The following ANGEL1 variants were observed in gnomAD, a reference collection of about 807,000 sequenced individuals.
The protein encoded by ANGEL1 is angel homolog 1, also known as RNA 2',3'-cyclic phosphatase ANGEL1.
ANGEL1 carries 62 observed loss-of-function variants against 76.4 expected under a neutral mutation model. That is an observed-to-expected ratio of 0.81 (90% confidence interval 0.66 to 1.00). ANGEL1 has a LOEUF of 1.00. ANGEL1 is among the 50% of genes least tolerant of loss of function. The pLI, the probability that ANGEL1 is intolerant of heterozygous loss-of-function variation, is 0.00. For synonymous variants in ANGEL1, 340 were observed against 331.7 expected (o/e 1.03, Z -0.27); for missense variants, 737 against 836.7 (o/e 0.88, Z 1.47).
chr14:76,793,854 TA>T (rs1392921336), intron 7 of ANGEL1, among the ~76,000 whole-genome samples: 2 of 151,706 alleles, frequency 1.3e-5, no homozygotes, highest in African/African-American at 4.8e-5. Flanking sequence ...AGATTAACAA[TA>T]ATAATAAAAT....
chr14:76,793,446 G>A (rs1339655500), intron 7 of ANGEL1, among the ~76,000 whole-genome samples: 1 of 74,746 alleles, frequency 1.3e-5, no homozygotes, highest in Admixed American at 1.4e-4. Flanking sequence ...GAGGAGGGGA[G>A]GAGAAGGAAG....
rs1012854895 is a variant in ANGEL1 at position 76,790,630 on chromosome 14, A to T, written c.1833T>A (p.Cys611Ter). ...VDYIFFSAES[C>*]ENGNRTDHRL... ...GCTTACCAGTTCTGTTCCCATTCTCACAGGACTCAGCTGAGAAGAAGATGT... is the reference window on the plus strand; with the variant it reads ...GCTTACCAGTTCTGTTCCCATTCTCTCAGGACTCAGCTGAGAAGAAGATGT... Residue 611 changes from cysteine (C) to a stop codon, truncating the protein, a stop_gained, in exon 9 of 10, where the codon TGT becomes TGA. Transcript: ENST00000251089. LOFTEE classifies it high-confidence loss of function. The T allele has an allele frequency of 3.1e-6, 5 of 1,613,478 alleles. No individual in the cohort carries two copies. Among genetic ancestry groups the T allele is most frequent in the Admixed American group, 1.7e-5 (1 of 59,944 alleles).
intron 7 of ANGEL1, among the ~76,000 whole-genome samples, chr14:76,796,221 T>C (rs1015989023): frequency 6.6e-6 from 1 of 151,870 alleles, no homozygotes; most frequent in South Asian, 2.1e-4. Context: ...AAAAGTTTTT[T>C]AAATGTCCAG....
intron 1 of ANGEL1, among the ~76,000 whole-genome samples, chr14:76,810,417 CAAAAAAAAAAA>C (rs1472811550): frequency 8.7e-6 from 1 of 114,772 alleles, no homozygotes; most frequent in Non-Finnish European, 1.8e-5. Flanking sequence ...GACCTCATCT[CAAAAAAAAAAA>C]GAAAAGAAAA....
intron 8 of ANGEL1, 49 bp downstream of exon 8, chr14:76,791,248 A>G (rs190537085): frequency 6.3e-7 from 1 of 1,598,894 alleles, no homozygotes; most frequent in African/African-American, 1.3e-5. Context: ...TCTCTCTTAC[A>G]CCTAGGCAAG....
rs1031236705 is a variant in ANGEL1 at position 76,803,926 on chromosome 14, GAAGGGTGGGAATA to G, written c.1381-27_1381-15del. 2 of 1,614,104 alleles carry G rather than the reference GAAGGGTGGGAATA, an allele frequency of 1.2e-6. No individual in the cohort carries two copies. The highest frequency in any genetic ancestry group is 2.7e-5 in the African/African-American group (2 of 74,932). ...CTGTCCAGATACCTGGGTGGAAAAA[GAAGGGTGGGAATA>G]AGGAAACCAAGATAGAAAAAGGAAG... On this transcript the variant is annotated splice_polypyrimidine_tract_variant and intron_variant, in intron 5 of 9. Transcript: ENST00000251089.
intron 1 of ANGEL1, chr14:76,810,367 A>G (rs1895048705): frequency 9.7e-6 from 3 of 307,820 alleles, no homozygotes; most frequent in East Asian, 1.2e-4. Flanking sequence ...GCAGTGAGCT[A>G]TGACTGCCCT....
At position 76,808,130 on chromosome 14, in the gene ANGEL1, C is replaced by A. The variant is rs753714292; in HGVS notation, c.668G>T (p.Trp223Leu). The A allele has an allele frequency of 6.2e-7, 1 of 1,613,640 alleles. No homozygotes were observed. Among genetic ancestry groups the A allele is most frequent in the Admixed American group, 1.7e-5 (1 of 60,002 alleles). Residue 223 changes from tryptophan (W) to leucine (L), a missense_variant, in exon 3 of 10, where the codon TGG becomes TTG. Trp to Leu is a moderately conservative substitution (Grantham distance 61). This residue lies in a region of ANGEL1 where 441 missense variants were observed against 449.5 expected (regional missense o/e 0.98). Transcript: ENST00000251089. ...ATCTGGCTGGGTGGAGAAATCCTCC[C>A]ATTCTCGCCACAAAATTTCTGCAAA... ...IPYHEILWRE[W>L]EDFSTQPDAQ...
chr14:76,805,997 A>T (rs1306624669), intron 5 of ANGEL1, among the ~76,000 whole-genome samples: 2 of 152,262 alleles, frequency 1.3e-5, no homozygotes, highest in Non-Finnish European at 2.9e-5. Context: ...GTAAACACTG[A>T]TTACAATATC....
At chr14:76,794,504 T>C (rs750956123) in intron 7 of ANGEL1, among the ~76,000 whole-genome samples, 2 of 152,004 alleles carry the variant, frequency 1.3e-5, no homozygotes, top group Non-Finnish European at 2.9e-5. Flanking sequence ...ACCCCGTCTC[T>C]ACTAAAAATA....
intron 7 of ANGEL1, among the ~76,000 whole-genome samples, chr14:76,798,486 A>T (rs1894650154): frequency 1.3e-5 from 2 of 152,140 alleles, no homozygotes. Flanking sequence ...ATAAATTTCT[A>T]TTGTTTAAAA....
chr14:76,798,736 C>G (rs2034652807), intron 7 of ANGEL1, among the ~76,000 whole-genome samples: 1 of 151,798 alleles, frequency 6.6e-6, no homozygotes, highest in Non-Finnish European at 1.5e-5. Context: ...TCATTTGAGG[C>G]CAGGAGTTCA....
At chr14:76,799,390 T>A (rs1953513806) in intron 7 of ANGEL1, among the ~76,000 whole-genome samples, 1 of 140,184 alleles carries the variant, frequency 7.1e-6, no homozygotes, top group South Asian at 2.5e-4. Context: ...GCCTCCCGCG[T>A]TCACACCATT....
intron 8 of ANGEL1, 81 bp from the exon 9 acceptor site, chr14:76,790,855 A>C: frequency 6.9e-7 from 1 of 1,448,704 alleles, no homozygotes; most frequent in Middle Eastern, 2.2e-4. Flanking sequence ...GGTTTTATGA[A>C]GATTTTTTAA....
At position 76,812,378 on chromosome 14, in the gene ANGEL1, T is replaced by C. The variant is rs1007216367; in HGVS notation, c.64+386A>G. The stretch of plus-strand genomic sequence containing the variant: ...CCGACCCGCCTCGCCCGCTGAGAAT[T>C]TGGGCACTCGCCTAGGTCCGAGCTA... On this transcript the variant is annotated intron_variant, in intron 1 of 9. Transcript: ENST00000251089. 25 of 1,049,528 alleles carry C rather than the reference T, an allele frequency of 2.4e-5. No homozygotes were observed. The African/African-American group carries it at 2.9e-4, about 12-fold the overall frequency. The allele number at this position is 1,049,528 out of a possible 1,614,324, so 65.0% of individuals were successfully genotyped here.
chr14:76,803,431 T>C lies in ANGEL1; in HGVS notation c.1558A>G (p.Ile520Val), dbSNP rs1894823265. The C allele has an allele frequency of 5.6e-6, 9 of 1,614,232 alleles. No individual in the cohort carries two copies. Among genetic ancestry groups the C allele is most frequent in the Non-Finnish European group, 7.6e-6 (9 of 1,180,046 alleles). The change falls in exon 7 of 10, where the codon ATC becomes GTC. Residue 520 changes from isoleucine (I) to valine (V), a missense_variant. By Grantham distance (29) the Ile-to-Val change is conservative (BLOSUM62 3). Coordinates refer to ENST00000251089, the MANE Select transcript of ANGEL1 (RefSeq NM_015305.4). The stretch of plus-strand genomic sequence containing the variant: ...AGTCCTACTGGTCGCTGACAAGCGA[T>C]GCTGCAGAAGCGGAAACGTAGCAGG... ...DFLLRFRFCS[I>V]ACQRPVGLVL...
In ANGEL1 at chr14:76,807,497, C is replaced by A; in HGVS notation, c.882G>T (p.Leu294=). The A allele has an allele frequency of 6.2e-7, 1 of 1,613,486 alleles. No individual in the cohort carries two copies. Among genetic ancestry groups the A allele is most frequent in the East Asian group, 2.2e-5 (1 of 44,868 alleles). Reference sequence around the variant, plus strand: ...GATCTTCCTGGACTTCCTGGAGACACAGGATCTGGGAAATTGACAAGAAAC... The same window carrying A: ...GATCTTCCTGGACTTCCTGGAGACAAAGGATCTGGGAAATTGACAAGAAAC... ...QEFQHWDPDI[L]CLQEVQEDHY... Residue 294 remains leucine (L), a synonymous_variant, in exon 4 of 10, where the codon CTG becomes CTT. Transcript: ENST00000251089.
At chr14:76,790,485 G>A in intron 9 of ANGEL1, 126 bp downstream of exon 9, 1 of 1,465,128 alleles carries the variant, frequency 6.8e-7, no homozygotes, top group Non-Finnish European at 9.0e-7. Flanking sequence ...GTGCAAGGGA[G>A]GTATGAAATC....
chr14:76,794,443 G>A (rs1051072712), intron 7 of ANGEL1, among the ~76,000 whole-genome samples: 9 of 151,994 alleles, frequency 5.9e-5, no homozygotes, highest in South Asian at 2.1e-4. Context: ...AGGCTGGGGC[G>A]GACGCATCAT....
Sources: gnomAD v4.1 joint callset for allele counts (sites outside exome capture counted in the v4.1 genomes callset) on GRCh38, gnomAD v4.1.1 for gene constraint, gnomAD v4.1.1 regional missense constraint, MANE v1.5 for transcripts, NCBI Gene and HGNC (gene_info 2026-07-23, HGNC 2026-07-21) for gene names.